Variants in FOCAD observed in about 807,000 individuals in gnomAD.
FOCAD encodes the protein KIAA1797.
A neutral mutation model predicts 225.6 loss-of-function variants in FOCAD; 198 were observed. The ratio of observed to expected loss-of-function variants is 0.88; its 90% CI spans 0.78 to 0.99. The LOEUF (loss-of-function observed/expected upper bound fraction) is 0.99. FOCAD is among the 50% of genes least tolerant of loss of function. The pLI is 0.00. For missense variants in FOCAD, 2,713 were observed against 2,123.6 expected, an observed-to-expected ratio of 1.28 and a Z score of -5.46; for synonymous variants, 897 against 755.0, an observed-to-expected ratio of 1.19 and a Z score of -3.08.
chr9:20,681,660 T>A (rs1822400835), upstream of FOCAD, among the ~76,000 whole-genome samples: 1 of 152,242 alleles, frequency 6.6e-6, no homozygotes, highest in African/African-American at 2.4e-5. Context: ...GCTGGCTCCA[T>A]AAGGCTCTAG....
At chr9:20,780,761 AT>A (rs1819281378) in intron 9 of FOCAD, among the ~76,000 whole-genome samples, 1 of 152,234 alleles carries the variant, frequency 6.6e-6, no homozygotes, top group Admixed American at 6.5e-5. Context: ...CTGCTATTAT[AT>A]TCATTTCCTG....
intron 15 of FOCAD, among the ~76,000 whole-genome samples, chr9:20,849,832 TC>T (rs1827473878): frequency 1.3e-5 from 2 of 151,908 alleles, no homozygotes; most frequent in African/African-American, 4.8e-5. Context: ...TTGCCTCCTT[TC>T]TACTCTGCAA....
upstream of FOCAD, among the ~76,000 whole-genome samples, chr9:20,656,793 G>T (rs192647228): frequency 1.6e-4 from 24 of 152,156 alleles, no homozygotes; most frequent in East Asian, 4.6e-3. Flanking sequence ...AGTTAATAGC[G>T]TTATGTGTGA....
At chr9:20,912,822 C>CA in intron 22 of FOCAD, 44 bp from the exon 23 acceptor site, 1 of 1,494,110 alleles carries the variant, frequency 6.7e-7, no homozygotes, top group South Asian at 1.1e-5. Flanking sequence ...AAGATCACTT[C>CA]AGCCATCGAG....
At chr9:20,754,967 A>C (rs957343914) in intron 5 of FOCAD, among the ~76,000 whole-genome samples, 1 of 152,224 alleles carries the variant, frequency 6.6e-6, no homozygotes, top group African/African-American at 2.4e-5. Context: ...ATGACTCTTA[A>C]GGGAGAATTT....
At chr9:20,768,107 C>G (rs925678560) in intron 7 of FOCAD, among the ~76,000 whole-genome samples, 6 of 149,018 alleles carry the variant, frequency 4.0e-5, no homozygotes, top group East Asian at 4.0e-4. Context: ...GCTTGTTTTT[C>G]TCAGGTTTGT....
chr9:20,968,816 C>T (rs1266869445), intron 35 of FOCAD, among the ~76,000 whole-genome samples: 1 of 152,032 alleles, frequency 6.6e-6, no homozygotes, highest in Non-Finnish European at 1.5e-5. Context: ...TATATTTGCT[C>T]TTCTTTTTTA....
intron 16 of FOCAD, chr9:20,863,099 GTGTTTGTCA>G (rs2131701691): frequency 6.4e-6 from 1 of 155,670 alleles, no homozygotes; most frequent in East Asian, 1.9e-4. Context: ...GAATTACTCA[GTGTTTGTCA>G]TTGTAATGAG....
intron 1 of FOCAD, among the ~76,000 whole-genome samples, chr9:20,703,330 G>A (rs539825055): frequency 6.6e-6 from 1 of 152,242 alleles, no homozygotes; most frequent in South Asian, 2.1e-4. Flanking sequence ...TGAGGGTGTG[G>A]TTGTCGGGGT....
intron 2 of FOCAD, among the ~76,000 whole-genome samples, chr9:20,665,829 G>A (rs1314637526): frequency 1.3e-5 from 2 of 151,910 alleles, no homozygotes; most frequent in Non-Finnish European, 2.9e-5. Flanking sequence ...TCAGGAGTTT[G>A]AGACCAGCCT....
chr9:20,861,174 A>G (rs1425424558), intron 15 of FOCAD, among the ~76,000 whole-genome samples: 2 of 152,194 alleles, frequency 1.3e-5, no homozygotes, highest in Non-Finnish European at 2.9e-5. Flanking sequence ...TTAAAGTCAT[A>G]TCATATACCT....
intron 27 of FOCAD, among the ~76,000 whole-genome samples, chr9:20,930,089 C>G (rs1420572098): frequency 6.6e-6 from 1 of 152,116 alleles, no homozygotes; most frequent in Non-Finnish European, 1.5e-5. Context: ...GCTTTTTTTC[C>G]TGTGCCCTGG....
At chr9:20,889,988 T>A (rs1831477799) in intron 21 of FOCAD, among the ~76,000 whole-genome samples, 1 of 152,188 alleles carries the variant, frequency 6.6e-6, no homozygotes, top group Non-Finnish European at 1.5e-5. Flanking sequence ...GGACTTTTTA[T>A]TTTAATTTTT....
chr9:20,748,273 G>A (rs1297031027), intron 5 of FOCAD, among the ~76,000 whole-genome samples: 1 of 152,058 alleles, frequency 6.6e-6, no homozygotes, highest in African/African-American at 2.4e-5. Context: ...TTTCTGGACA[G>A]AACATATCAT....
At chr9:20,832,575 A>C (rs1825612663) in intron 15 of FOCAD, among the ~76,000 whole-genome samples, 1 of 152,038 alleles carries the variant, frequency 6.6e-6, no homozygotes, top group African/African-American at 2.4e-5. Flanking sequence ...AAGTTATTTT[A>C]AAATGTACAA....
rs776076815 is a variant in FOCAD at position 20,770,083 on chromosome 9, T to C, written c.751T>C (p.Cys251Arg). 9 of 1,614,108 alleles carry C rather than the reference T, an allele frequency of 5.6e-6. No homozygotes were observed. In the Admixed American group the frequency reaches 1.0e-4, roughly 18 times the overall value. Residue 251 changes from cysteine to arginine, a missense_variant, in exon 8 of 44, where the codon TGT (cysteine) becomes CGT (arginine). Coordinates refer to ENST00000338382, the MANE Select transcript of FOCAD (RefSeq NM_001375567.1). ...GGCGATGATGTTTATTGAGGAAGTA[T>C]GTTTAAGCCTTTTGCGTCATCCTGT... ...TEAMMFIEEV[C>R]LSLLRHPVFW...
chr9:20,910,346 G>A (rs542148451), intron 22 of FOCAD, among the ~76,000 whole-genome samples: 3 of 152,120 alleles, frequency 2.0e-5, no homozygotes, highest in Admixed American at 1.3e-4. Flanking sequence ...ACAGGAGAGA[G>A]GTATGAAAGC....
At chr9:20,732,121 T>G (rs768671969) in intron 4 of FOCAD, among the ~76,000 whole-genome samples, 1 of 152,198 alleles carries the variant, frequency 6.6e-6, no homozygotes, top group Admixed American at 6.5e-5. Flanking sequence ...TTATTATCTC[T>G]TGTATTTCTG....
intron 24 of FOCAD, among the ~76,000 whole-genome samples, chr9:20,923,342 A>C (rs551241051): frequency 6.6e-6 from 1 of 152,338 alleles, no homozygotes; most frequent in Admixed American, 6.5e-5. Flanking sequence ...AAGATGACAC[A>C]GAAGAGATCC....
Sources: allele counts gnomAD v4.1 joint callset (sites outside exome capture counted in the v4.1 genomes callset), GRCh38; gene constraint gnomAD v4.1.1; transcripts MANE v1.5; gene names NCBI Gene and HGNC (gene_info 2026-07-23, HGNC 2026-07-21).